The following LTBP1 variants were observed in gnomAD, a reference collection of about 807,000 sequenced individuals.
The protein encoded by LTBP1 is latent-transforming growth factor beta-binding protein 1.
LTBP1 carries 129 observed loss-of-function variants against 207.6 expected under a neutral mutation model. The observed-to-expected ratio is 0.62, with a 90% CI of 0.54 to 0.72. LTBP1 has a LOEUF of 0.72. Ranked by LOEUF, LTBP1 falls within the 30% of genes least tolerant of loss-of-function variation. The pLI is 0.00. For synonymous variants in LTBP1, 963 were observed against 833.7 expected, an observed-to-expected ratio of 1.16 and a Z score of -2.67; for missense variants, 2,281 against 2,217.2, an observed-to-expected ratio of 1.03 and a Z score of -0.58.
chr2:33,118,877 C>A (rs185073379), intron 4 of LTBP1, among the ~76,000 whole-genome samples: 1 of 152,222 alleles, frequency 6.6e-6, no homozygotes, highest in African/African-American at 2.4e-5. Flanking sequence ...CCCTGATAGG[C>A]CACACGAAGT....
chr2:33,286,214 C>G (rs1024937007), intron 19 of LTBP1, among the ~76,000 whole-genome samples: 1 of 152,174 alleles, frequency 6.6e-6, no homozygotes, highest in Non-Finnish European at 1.5e-5. Context: ...GAATGACTTT[C>G]TGACTCCCAT....
intron 7 of LTBP1, among the ~76,000 whole-genome samples, chr2:33,216,811 C>G (rs1253778744): frequency 6.6e-6 from 1 of 152,192 alleles, no homozygotes; most frequent in Non-Finnish European, 1.5e-5. Flanking sequence ...CTTCAGGCCC[C>G]TGCCTCTCAG....
At chr2:33,035,792 C>A (rs917447734) in intron 3 of LTBP1, among the ~76,000 whole-genome samples, 1 of 151,990 alleles carries the variant, frequency 6.6e-6, no homozygotes, top group Non-Finnish European at 1.5e-5. Context: ...GAAAAGAGAT[C>A]GTTCATAATG....
At chr2:33,120,091 G>A (rs573929832) in intron 4 of LTBP1, among the ~76,000 whole-genome samples, 1 of 149,636 alleles carries the variant, frequency 6.7e-6, no homozygotes, top group Admixed American at 6.6e-5. Context: ...TAATTCTTCT[G>A]ACAAGCAAAC....
chr2:33,376,592 A>G (rs888949652), intron 31 of LTBP1, among the ~76,000 whole-genome samples: 2 of 152,240 alleles, frequency 1.3e-5, no homozygotes, highest in Non-Finnish European at 2.9e-5. Context: ...ACGGGATCCC[A>G]GGTGTTTCTC....
chr2:33,341,940 T>C (rs1208146731), intron 24 of LTBP1, among the ~76,000 whole-genome samples: 1 of 152,044 alleles, frequency 6.6e-6, no homozygotes, highest in Non-Finnish European at 1.5e-5. Flanking sequence ...ATTTTCTTAA[T>C]TGTTTCTCCA....
intron 2 of LTBP1, among the ~76,000 whole-genome samples, chr2:32,972,102 G>A (rs115244913): frequency 0.017 from 2,264 of 136,886 alleles, 24 homozygotes; most frequent in Non-Finnish European, 0.022. Context: ...GTTTGCAAGA[G>A]TCTCTGAGTT....
intron 7 of LTBP1, among the ~76,000 whole-genome samples, chr2:33,215,872 C>A (rs1249409573): frequency 6.6e-6 from 1 of 151,974 alleles, no homozygotes; most frequent in Non-Finnish European, 1.5e-5. Flanking sequence ...CGCACCACCA[C>A]GCTGGCTAAT....
At chr2:33,160,451 C>T (rs999545060) in intron 5 of LTBP1, among the ~76,000 whole-genome samples, 9 of 152,074 alleles carry the variant, frequency 5.9e-5, no homozygotes, top group African/African-American at 1.9e-4. Context: ...CTTGGGTGGC[C>T]CTTCCAGGAG....
At chr2:33,047,053 C>T (rs2076484251) in intron 3 of LTBP1, among the ~76,000 whole-genome samples, 1 of 151,974 alleles carries the variant, frequency 6.6e-6, no homozygotes, top group Admixed American at 6.6e-5. Flanking sequence ...TTAATCTTTT[C>T]CAAAAACCAG....
intron 3 of LTBP1, among the ~76,000 whole-genome samples, chr2:33,027,533 A>G (rs576378281): frequency 7.9e-5 from 12 of 152,162 alleles, no homozygotes; most frequent in African/African-American, 2.2e-4. Context: ...ATAGGTATGT[A>G]TATGTGAAAA....
chr2:32,967,794 C>T (rs143228893), intron 2 of LTBP1, among the ~76,000 whole-genome samples: 49 of 152,162 alleles, frequency 3.2e-4, no homozygotes, highest in South Asian at 2.7e-3. Context: ...ATTCTGCTGT[C>T]GTTGGATGAA....
chr2:33,125,829 C>CA (rs34059321), intron 4 of LTBP1, among the ~76,000 whole-genome samples: 1,546 of 131,508 alleles, frequency 0.012, 21 homozygotes, highest in African/African-American at 0.034. Flanking sequence ...GACTCCGTCT[C>CA]AAAAAAAAAA....
At chr2:33,190,209 G>A (rs940895426) in intron 7 of LTBP1, among the ~76,000 whole-genome samples, 1 of 152,304 alleles carries the variant, frequency 6.6e-6, no homozygotes, top group Admixed American at 6.5e-5. Context: ...CCATTATGTG[G>A]TAATGATGGA....
Position 32,956,048 on chromosome 2 carries a change from G to A in LTBP1, c.565+7103G>A, listed in dbSNP as rs142770692. ...CAATAATAGCATTATGTCTAAAAAGGCAAGTGTATACCTTAATTAAAAATA... is the reference window on the plus strand; with the variant it reads ...CAATAATAGCATTATGTCTAAAAAGACAAGTGTATACCTTAATTAAAAATA... On this transcript the variant is annotated intron_variant, in intron 2 of 33. Coordinates refer to ENST00000404816, the MANE Select transcript of LTBP1 (RefSeq NM_206943.4). Among the ~76,000 whole-genome samples, 377 of 152,210 alleles carry A rather than the reference G, an allele frequency of 2.5e-3. 2 individuals carry two copies. Among genetic ancestry groups the A allele is most frequent in the African/African-American group, 8.5e-3 (351 of 41,526 alleles).
At chr2:33,055,953 A>G (rs559350491) in intron 3 of LTBP1, among the ~76,000 whole-genome samples, 54 of 152,282 alleles carry the variant, frequency 3.5e-4, no homozygotes, top group Admixed American at 2.3e-3. Flanking sequence ...GGAGGCTAGG[A>G]TATGGGGGTA....
intron 3 of LTBP1, among the ~76,000 whole-genome samples, chr2:33,108,139 T>C (rs1263092036): frequency 6.6e-6 from 1 of 152,116 alleles, no homozygotes; most frequent in Non-Finnish European, 1.5e-5. Context: ...AGTGATTTCA[T>C]ATAATGCTTG....
rs1335547845 is a variant in LTBP1, at chr2:33,174,148, C to G, written c.1202-12708C>G. On this transcript the variant is annotated intron_variant, in intron 5 of 33. Transcript: ENST00000404816. Reference sequence around the variant, plus strand: ...CCTATTCAACATAGTGTTGGAAGTTCTAGCCAGGGCAATCAGGCAGGAGAA... The same window carrying G: ...CCTATTCAACATAGTGTTGGAAGTTGTAGCCAGGGCAATCAGGCAGGAGAA... 3.4e-5 allele frequency among the ~76,000 whole-genome samples: 5 copies of G among 147,446 alleles called. No homozygotes were observed. In the Admixed American group the frequency reaches 3.5e-4, roughly 10 times the overall value.
intron 4 of LTBP1, among the ~76,000 whole-genome samples, chr2:33,117,192 T>C (rs2080797631): frequency 6.6e-6 from 1 of 152,238 alleles, no homozygotes; most frequent in African/African-American, 2.4e-5. Context: ...AGTTCTGGCC[T>C]GATCGCAGTC....
Sources: gnomAD v4.1 joint callset for allele counts (sites outside exome capture counted in the v4.1 genomes callset) on GRCh38, gnomAD v4.1.1 for gene constraint, MANE v1.5 for transcripts, NCBI Gene and HGNC (gene_info 2026-07-23, HGNC 2026-07-21) for gene names.